ZNF469: variants seen among roughly 807,000 people sequenced by gnomAD.
ZNF469 encodes zinc finger protein 469.
Under a neutral mutation model 1.0 loss-of-function variants are expected in ZNF469, and 1 was observed. The ratio of observed to expected loss-of-function variants is 1.00; its 90% CI spans 0.35 to 4.73. The LOEUF is 4.73. Ranked by LOEUF, ZNF469 falls within the 30% of genes most tolerant of loss-of-function variation. ZNF469 has a pLI of 0.16. For missense variants in ZNF469, 6,100 were observed against 5,356.3 expected (o/e 1.14, Z -4.33); for synonymous variants, 2,703 against 2,363.4 (o/e 1.14, Z -4.17).
At chr16:88,266,628 A>C in the ZNF469 span, among the ~76,000 whole-genome samples, 4 of 152,116 alleles carry the variant, frequency 2.6e-5, no homozygotes, top group African/African-American at 9.7e-5. Flanking sequence ...AAGAAAGGAG[A>C]AGGTTACCTA....
the ZNF469 span, among the ~76,000 whole-genome samples, chr16:88,140,121 G>A: frequency 6.6e-6 from 1 of 152,200 alleles, no homozygotes; most frequent in African/African-American, 2.4e-5. Flanking sequence ...TAATACAAAA[G>A]AGGGAGTCAT....
In ZNF469 at chr16:88,438,052, G is replaced by C. The variant is rs758708056; in HGVS notation, c.10582G>C (p.Glu3528Gln). The change falls in exon 3 of 3, where the codon GAG becomes CAG. Residue 3528 changes from glutamate to glutamine, a missense_variant. Transcript: ENST00000565624. Reference protein sequence around the residue: ...STTKGWPETLERPVDPVTHPI... With the variant: ...STTKGWPETLQRPVDPVTHPI... ...CACCAAGGGATGGCCCGAGACCCTA[G>C]AGAGGCCTGTAGACCCCGTGACCCA... 6.5e-7 allele frequency: 1 copy of C among 1,550,216 alleles called. No individual in the cohort carries two copies. Among genetic ancestry groups the C allele is most frequent in the African/African-American group, 1.4e-5 (1 of 73,040 alleles).
chr16:88,340,905 T>G, the ZNF469 span, among the ~76,000 whole-genome samples: 32,569 of 151,798 alleles, frequency 0.21, 4,560 homozygotes, highest in African/African-American at 0.4. Context: ...GGGCCTAGCG[T>G]GGAGGAGGGC....
chr16:88,434,461 C>T lies in ZNF469; in HGVS notation c.6991C>T (p.Pro2331Ser). ...GCCCAGGGGCCACTCCTCGTATTCT[C>T]CAAGCAATACTGCCCGCCTCGGCCA... The part of the protein sequence containing the change: ...RMPRGHSSYS[P>S]SNTARLGHRE... Residue 2331 changes from proline (P) to serine (S), a missense_variant, in exon 3 of 3, where the codon CCA becomes TCA. Coordinates refer to ENST00000565624, the MANE Select transcript of ZNF469 (RefSeq NM_001367624.2). 6.5e-7 allele frequency: 1 copy of T among 1,549,920 alleles called. No homozygotes were observed. The highest frequency in any genetic ancestry group is 1.4e-5 in the African/African-American group (1 of 73,174).
At chr16:88,191,294 A>T in the ZNF469 span, among the ~76,000 whole-genome samples, 8 of 152,198 alleles carry the variant, frequency 5.3e-5, no homozygotes, top group African/African-American at 1.7e-4. Flanking sequence ...CCGAGGTTCC[A>T]GCTGGGGCTG....
At chr16:88,332,744 G>A in the ZNF469 span, among the ~76,000 whole-genome samples, 1 of 152,086 alleles carries the variant, frequency 6.6e-6, no homozygotes, top group Non-Finnish European at 1.5e-5. Context: ...AACAGGGTGA[G>A]GGCCCCCAGC....
At chr16:88,388,666 A>G (rs1324045544) in intron 1 of ZNF469, among the ~76,000 whole-genome samples, 1 of 152,216 alleles carries the variant, frequency 6.6e-6, no homozygotes, top group Admixed American at 6.5e-5. Flanking sequence ...GGGTCTCCAT[A>G]CTGGAGGAGG....
At chr16:88,261,021 G>C in the ZNF469 span, among the ~76,000 whole-genome samples, 1 of 152,172 alleles carries the variant, frequency 6.6e-6, no homozygotes, top group Non-Finnish European at 1.5e-5. The surrounding 1 kb of genome is among the most constrained non-coding windows in gnomAD (Gnocchi z 6.0). Flanking sequence ...AAAATGGGGA[G>C]CCCGGGCCAG....
upstream of ZNF469, among the ~76,000 whole-genome samples, chr16:88,382,111 T>A (rs762581694): frequency 6.6e-6 from 1 of 152,212 alleles, no homozygotes; most frequent in Non-Finnish European, 1.5e-5. Flanking sequence ...TGGGATCCTC[T>A]GAAGTGGGGG....
the ZNF469 span, among the ~76,000 whole-genome samples, chr16:88,143,034 C>A: frequency 6.6e-5 from 10 of 152,152 alleles, no homozygotes. Flanking sequence ...ACCTCACCGG[C>A]CTGTGATTAG....
At position 88,432,051 on chromosome 16, in the gene ZNF469, G is replaced by C. The variant is rs188162391; in HGVS notation, c.4581G>C (p.Thr1527=). The C allele has an allele frequency of 6.5e-7, 1 of 1,550,354 alleles. No homozygotes were observed. The highest frequency in any genetic ancestry group is 1.4e-5 in the African/African-American group (1 of 73,020). ...CGGGGGGAAAGGTGCTCAGTAAGAC[G>C]TGTCCCCCTGAACGGACAGTGGTTC... ...DLSGGKVLSK[T]CPPERTVVPG... The change falls in exon 3 of 3, where the codon ACG becomes ACC. Residue 1527 remains threonine, a synonymous_variant. Transcript: ENST00000565624.
chr16:88,397,756 A>G (rs538035804), intron 1 of ZNF469, among the ~76,000 whole-genome samples: 2 of 152,232 alleles, frequency 1.3e-5, no homozygotes, highest in East Asian at 1.9e-4. Context: ...ATCTCTTCTT[A>G]TGGTCATTCG....
At chr16:88,168,696 C>G in the ZNF469 span, among the ~76,000 whole-genome samples, 5 of 152,308 alleles carry the variant, frequency 3.3e-5, no homozygotes, top group South Asian at 4.1e-4. This position sits in a 1 kb window ranked among gnomAD's most constrained non-coding sequence, Gnocchi z 4.3. Context: ...GCACACCTGC[C>G]GTTTGGCAAG....
the ZNF469 span, among the ~76,000 whole-genome samples, chr16:88,334,004 ATG>A: frequency 3.7e-5 from 5 of 136,084 alleles, no homozygotes; most frequent in African/African-American, 1.4e-4. Flanking sequence ...GTCTGTGTCT[ATG>A]TGTTTGTGTG....
chr16:88,233,226 C>T, the ZNF469 span, among the ~76,000 whole-genome samples: 4 of 152,224 alleles, frequency 2.6e-5, no homozygotes, highest in African/African-American at 9.6e-5. Flanking sequence ...CCCACAGTGC[C>T]AGAGAGCCGT....
chr16:88,357,648 G>A, the ZNF469 span, among the ~76,000 whole-genome samples: 10 of 152,352 alleles, frequency 6.6e-5, no homozygotes, highest in South Asian at 1.5e-3. Context: ...GGCTTGGTTT[G>A]AGTTAGCTGT....
chr16:88,410,360 G>T (rs1301503678), intron 1 of ZNF469, among the ~76,000 whole-genome samples: 1 of 152,000 alleles, frequency 6.6e-6, no homozygotes, highest in Non-Finnish European at 1.5e-5. Context: ...GCTGTTGATG[G>T]TGCAGGTCAC....
At chr16:88,337,869 G>A in the ZNF469 span, among the ~76,000 whole-genome samples, 4 of 152,210 alleles carry the variant, frequency 2.6e-5, no homozygotes, top group Non-Finnish European at 5.9e-5. Context: ...CGTGCTCTGT[G>A]TATATGCTGG....
the ZNF469 span, among the ~76,000 whole-genome samples, chr16:88,326,323 A>T: frequency 6.2e-3 from 940 of 152,340 alleles, 4 homozygotes; most frequent in African/African-American, 0.022. Context: ...CCATTTAAGA[A>T]GTGACCTGCT....
Sources: allele counts gnomAD v4.1 joint callset (sites outside exome capture counted in the v4.1 genomes callset), GRCh38; gene constraint gnomAD v4.1.1; non-coding constraint Gnocchi (gnomAD v3.1); transcripts MANE v1.5; gene names NCBI Gene and HGNC (gene_info 2026-07-23, HGNC 2026-07-21).